The following SNTG1 variants were observed in gnomAD, a reference collection of about 807,000 sequenced individuals.
SNTG1 encodes syntrophin gamma 1, also known as gamma-1-syntrophin.
Under a neutral mutation model 74.7 loss-of-function variants are expected in SNTG1, and 39 were observed. The observed-to-expected ratio is 0.52, with a 90% CI of 0.40 to 0.68. SNTG1 has a LOEUF of 0.68. Ranked by LOEUF, SNTG1 falls within the 30% of genes least tolerant of loss-of-function variation. SNTG1 has a pLI of 0.00. For synonymous variants in SNTG1, 254 were observed against 217.1 expected (o/e 1.17, Z -1.49); for missense variants, 685 against 609.5 (o/e 1.12, Z -1.30).
At chr8:50,298,096 AT>A (rs2089475487) in intron 2 of SNTG1, among the ~76,000 whole-genome samples, 1 of 151,936 alleles carries the variant, frequency 6.6e-6, no homozygotes. Context: ...ACACCTGCTC[AT>A]CCCTCTCCGC....
chr8:50,645,735 G>C (rs1683631710), intron 13 of SNTG1, among the ~76,000 whole-genome samples: 1 of 152,018 alleles, frequency 6.6e-6, no homozygotes, highest in South Asian at 2.1e-4. Flanking sequence ...ATGAGGTGTT[G>C]GTTATTACTC....
intron 4 of SNTG1, among the ~76,000 whole-genome samples, chr8:50,418,672 T>A (rs2093043701): frequency 6.6e-6 from 1 of 152,046 alleles, no homozygotes; most frequent in Admixed American, 6.6e-5. Context: ...AACATGAAGT[T>A]TTAGTTAAAC....
intron 1 of SNTG1, among the ~76,000 whole-genome samples, chr8:50,099,703 T>A (rs970006938): frequency 6.6e-6 from 1 of 152,100 alleles, no homozygotes. Context: ...TGAGATGATA[T>A]CCTGTGGTTT....
intron 2 of SNTG1, among the ~76,000 whole-genome samples, chr8:50,178,736 T>C (rs963883033): frequency 2.6e-5 from 4 of 152,176 alleles, no homozygotes; most frequent in African/African-American, 9.6e-5. Flanking sequence ...CATATCGAGA[T>C]ATATATTTGC....
intron 8 of SNTG1, among the ~76,000 whole-genome samples, chr8:50,469,678 T>C (rs914901346): frequency 2.0e-5 from 3 of 152,102 alleles, no homozygotes; most frequent in Non-Finnish European, 2.9e-5. Context: ...ATTCAGACCT[T>C]AGATTAAAAG....
chr8:50,510,892 C>G (rs1037228995), intron 9 of SNTG1, among the ~76,000 whole-genome samples: 5 of 151,956 alleles, frequency 3.3e-5, no homozygotes, highest in Middle Eastern at 3.4e-3. Context: ...ATTTTTTGAA[C>G]AGTTTTTTGT....
intron 1 of SNTG1, among the ~76,000 whole-genome samples, chr8:49,996,263 C>T (rs182394103): frequency 6.6e-6 from 1 of 151,904 alleles, no homozygotes; most frequent in Admixed American, 6.6e-5. Flanking sequence ...GAGAAAAGGC[C>T]AAATCACCAA....
chr8:50,202,469 G>A (rs926893953), intron 2 of SNTG1, among the ~76,000 whole-genome samples: 3 of 151,934 alleles, frequency 2.0e-5, no homozygotes, highest in African/African-American at 7.3e-5. Flanking sequence ...TTTTTCCACC[G>A]ATTCTTTCAC....
chr8:50,684,894 C>G (rs926610842), intron 15 of SNTG1, among the ~76,000 whole-genome samples: 4 of 114,524 alleles, frequency 3.5e-5, no homozygotes, highest in Non-Finnish European at 6.9e-5. Flanking sequence ...CCCCTCCCCC[C>G]ACCCCACCAC....
intron 1 of SNTG1, among the ~76,000 whole-genome samples, chr8:50,000,248 AT>A (rs2130436019): frequency 1.3e-5 from 2 of 152,204 alleles, no homozygotes; most frequent in South Asian, 4.1e-4. Context: ...TTTAATATCC[AT>A]AGCAAAGACA....
chr8:49,986,815 A>G (rs763551379), intron 1 of SNTG1, among the ~76,000 whole-genome samples: 1 of 152,108 alleles, frequency 6.6e-6, no homozygotes, highest in Non-Finnish European at 1.5e-5. Flanking sequence ...CAGGAAGTCA[A>G]GGCCATGATC....
At chr8:50,397,366 T>G (rs2092740802) in intron 3 of SNTG1, among the ~76,000 whole-genome samples, 1 of 152,196 alleles carries the variant, frequency 6.6e-6, no homozygotes, top group Non-Finnish European at 1.5e-5. Flanking sequence ...ATCTAAACAA[T>G]TTGGGTCCAC....
At chr8:50,209,940 A>C (rs963517556) in intron 2 of SNTG1, among the ~76,000 whole-genome samples, 2 of 152,228 alleles carry the variant, frequency 1.3e-5, no homozygotes, top group South Asian at 4.1e-4. Flanking sequence ...GAACTAAAGG[A>C]GGATGTACGA....
At chr8:50,353,364 C>T (rs1386060541) in intron 2 of SNTG1, among the ~76,000 whole-genome samples, 1 of 151,998 alleles carries the variant, frequency 6.6e-6, no homozygotes, top group African/African-American at 2.4e-5. Context: ...TGTAACAAAC[C>T]TGAACGTAGT....
intron 2 of SNTG1, among the ~76,000 whole-genome samples, chr8:50,305,806 T>C (rs1320135406): frequency 6.6e-6 from 1 of 152,038 alleles, no homozygotes; most frequent in East Asian, 1.9e-4. Context: ...TTAAGAAATC[T>C]AAATTTCAGA....
intron 1 of SNTG1, among the ~76,000 whole-genome samples, chr8:50,038,632 C>T (rs926424677): frequency 3.3e-5 from 5 of 152,092 alleles, no homozygotes; most frequent in African/African-American, 1.2e-4. Flanking sequence ...AAAAAAAATT[C>T]ATCACTCTGA....
At chr8:50,475,141 T>A (rs940008210) in intron 8 of SNTG1, among the ~76,000 whole-genome samples, 1 of 151,068 alleles carries the variant, frequency 6.6e-6, no homozygotes, top group African/African-American at 2.4e-5. Flanking sequence ...GATGAGTTAA[T>A]GGGTGCAGCA....
intron 9 of SNTG1, among the ~76,000 whole-genome samples, chr8:50,504,606 AC>A (rs537922735): frequency 1.3e-3 from 197 of 152,204 alleles, no homozygotes; most frequent in Non-Finnish European, 1.8e-3. Context: ...AACTTGAACA[AC>A]ATGGCAAAAT....
chr8:49,932,385 G>T (rs1368420552), intron 1 of SNTG1, among the ~76,000 whole-genome samples: 1 of 151,804 alleles, frequency 6.6e-6, no homozygotes, highest in Non-Finnish European at 1.5e-5. Context: ...AAAATTGAAA[G>T]AACCCACAAA....
Sources: allele counts gnomAD v4.1 joint callset (sites outside exome capture counted in the v4.1 genomes callset), GRCh38; gene constraint gnomAD v4.1.1; transcripts MANE v1.5; gene names NCBI Gene and HGNC (gene_info 2026-07-23, HGNC 2026-07-21).